The following ZNF33B variants were observed in gnomAD, a reference collection of about 807,000 sequenced individuals.
ZNF33B encodes the protein zinc finger protein 33B.
A neutral mutation model predicts 45.8 loss-of-function variants in ZNF33B; 29 were observed. That is an observed-to-expected ratio of 0.63 (90% CI 0.47 to 0.86). ZNF33B has a LOEUF of 0.86. ZNF33B is among the 40% of genes least tolerant of loss of function. ZNF33B has a pLI of 0.00. For synonymous variants in ZNF33B, 305 were observed against 307.8 expected, an observed-to-expected ratio of 0.99 and a Z score of 0.10; for missense variants, 831 against 909.9, an observed-to-expected ratio of 0.91 and a Z score of 1.12.
intron 1 of ZNF33B, among the ~76,000 whole-genome samples, chr10:42,583,710 C>T (rs1300522025): frequency 6.6e-6 from 1 of 152,108 alleles, no homozygotes; most frequent in African/African-American, 2.4e-5. Flanking sequence ...CATCCATTCA[C>T]GGGCCAGTGC....
rs976351882 is a variant in ZNF33B, at chr10:42,577,114, C to T, written c.74-2436G>A. Reference sequence around the variant, plus strand: ...TGCCATTGCACTCCAGTCTGGGTGACGGAGCAAGACTCCATCTCAAAAAAA... The same window carrying T: ...TGCCATTGCACTCCAGTCTGGGTGATGGAGCAAGACTCCATCTCAAAAAAA... On this transcript the variant is annotated intron_variant, in intron 1 of 1. Coordinates refer to the ZNF33B transcript ENST00000462075. Among the ~76,000 whole-genome samples the T allele has an allele frequency of 8.1e-5, 9 of 110,496 alleles. No homozygotes were observed. In the East Asian group the frequency reaches 9.3e-4, roughly 11 times the overall value. 72.5% of individuals were successfully genotyped at this position (110,496 alleles called of 152,430 possible).
intron 4 of ZNF33B, among the ~76,000 whole-genome samples, chr10:42,625,959 G>A (rs138049454): frequency 3.5e-4 from 54 of 152,280 alleles, no homozygotes; most frequent in African/African-American, 1.2e-3. Context: ...TCCTTGCCTT[G>A]TTCCCAGTTT....
At chr10:42,583,488 GTTCT>G (rs778020212) in intron 1 of ZNF33B, 2 of 247,552 alleles carry the variant, frequency 8.1e-6, no homozygotes, top group Non-Finnish European at 1.6e-5. Flanking sequence ...GAAGTTGAGA[GTTCT>G]TTGTTATGAG....
intron 2 of ZNF33B, among the ~76,000 whole-genome samples, chr10:42,633,490 G>C (rs1023786186): frequency 7.2e-5 from 11 of 152,154 alleles, no homozygotes; most frequent in African/African-American, 2.7e-4. Flanking sequence ...GATGCAAATA[G>C]GGCATGAATA....
At chr10:42,595,275 C>A (rs1465916376) in intron 4 of ZNF33B, among the ~76,000 whole-genome samples, 1 of 152,092 alleles carries the variant, frequency 6.6e-6, no homozygotes, top group Non-Finnish European at 1.5e-5. Flanking sequence ...GAAAGTTTTA[C>A]TATGAGTGAG....
intron 4 of ZNF33B, among the ~76,000 whole-genome samples, chr10:42,603,943 C>G (rs1466716083): frequency 6.6e-6 from 1 of 152,132 alleles, no homozygotes; most frequent in Non-Finnish European, 1.5e-5. Flanking sequence ...AAATAAGAAA[C>G]AACAACAAGC....
At chr10:42,578,079 TGAG>T (rs1416464963) in intron 1 of ZNF33B, among the ~76,000 whole-genome samples, 1 of 91,904 alleles carries the variant, frequency 1.1e-5, no homozygotes, top group Non-Finnish European at 3.5e-5. Flanking sequence ...GCTGGGGAAA[TGAG>T]GAAACAGACA....
At chr10:42,631,795 C>T in intron 4 of ZNF33B, 134 bp downstream of exon 4, 1 of 732,648 alleles carries the variant, frequency 1.4e-6, no homozygotes, top group Non-Finnish European at 2.4e-6. Flanking sequence ...AATCAGTATT[C>T]TCCATCACTT....
At chr10:42,576,859 G>A (rs780175049) in intron 1 of ZNF33B, among the ~76,000 whole-genome samples, 1 of 152,054 alleles carries the variant, frequency 6.6e-6, no homozygotes, top group African/African-American at 2.4e-5. Flanking sequence ...AGGGCCGGGC[G>A]CCGTGGCTCA....
At chr10:42,605,656 T>G (rs111657375) in intron 4 of ZNF33B, among the ~76,000 whole-genome samples, 2,119 of 152,260 alleles carry the variant, frequency 0.014, 51 homozygotes, top group African/African-American at 0.048. Context: ...CCACAATTAT[T>G]GTGGGTAAAG....
chr10:42,618,848 A>G (rs1158973829), intron 4 of ZNF33B, among the ~76,000 whole-genome samples: 1 of 152,030 alleles, frequency 6.6e-6, no homozygotes, highest in Non-Finnish European at 1.5e-5. Flanking sequence ...CCGTTTCCCA[A>G]GGTTTTGTTC....
downstream of ZNF33B, among the ~76,000 whole-genome samples, chr10:42,588,609 C>CT (rs1423987634): frequency 5.3e-5 from 8 of 152,198 alleles, no homozygotes; most frequent in Non-Finnish European, 1.0e-4. Context: ...CACACCAACT[C>CT]TCAGAAAGGT....
At chr10:42,580,992 T>C (rs1836814099) in intron 1 of ZNF33B, among the ~76,000 whole-genome samples, 1 of 152,144 alleles carries the variant, frequency 6.6e-6, no homozygotes, top group South Asian at 2.1e-4. Context: ...AGGAGAAGTG[T>C]ATCCAGACTG....
chr10:42,616,515 C>G (rs1006763950), intron 4 of ZNF33B, among the ~76,000 whole-genome samples: 1 of 152,090 alleles, frequency 6.6e-6, no homozygotes, highest in African/African-American at 2.4e-5. Flanking sequence ...ATCGTCTGCA[C>G]ACAAAATGAA....
chr10:42,630,407 C>T (rs1838998884), intron 4 of ZNF33B, among the ~76,000 whole-genome samples: 1 of 151,976 alleles, frequency 6.6e-6, no homozygotes. Flanking sequence ...CTTTAGTTTT[C>T]AAAAATTTAA....
At chr10:42,582,675 A>G (rs1376112551) in intron 1 of ZNF33B, 1 of 158,388 alleles carries the variant, frequency 6.3e-6, no homozygotes, top group Non-Finnish European at 1.4e-5. Flanking sequence ...AGATACTTAA[A>G]ATTATGTAGA....
rs1237582560 is a variant in ZNF33B, at chr10:42,594,174, C to G, written c.776G>C (p.Ser259Thr). The G allele has an allele frequency of 6.2e-7, 1 of 1,613,800 alleles. No individual in the cohort carries two copies. Among genetic ancestry groups the G allele is most frequent in the Non-Finnish European group, 8.5e-7 (1 of 1,179,934 alleles). Residue 259 changes from serine (S) to threonine (T), a missense_variant, in exon 5 of 5, where the codon AGT becomes ACT. Ser to Thr is a moderately conservative substitution (Grantham distance 58). Transcript: ENST00000359467. ...TATCTGATGGAACAAGAGGGATGAA[C>G]TATCACAGAAAGTTCTCCCAAATTC... ...YNEFGRTFCD[S>T]SSLLFHQIPP...
intron 4 of ZNF33B, among the ~76,000 whole-genome samples, chr10:42,603,366 A>C (rs568253799): frequency 6.6e-6 from 1 of 152,290 alleles, no homozygotes; most frequent in South Asian, 2.1e-4. Context: ...TTCAATGATA[A>C]CCAATTAAGA....
rs897263841 is a variant in ZNF33B, at chr10:42,590,884, G to C, written c.*1729C>G. On this transcript the variant is annotated 3_prime_UTR_variant, in exon 5 of 5. Coordinates refer to ENST00000359467, the MANE Select transcript of ZNF33B (RefSeq NM_006955.3). ...TCAAAGAACAGTTTTGGGTTTTATT[G>C]ATTTTCTCTTTTCAATTTCACTGAT... is the stretch of plus-strand genomic sequence containing the variant. 7 of 152,334 alleles carry C rather than the reference G, an allele frequency of 4.6e-5. No individual in the cohort carries two copies. The highest frequency in any genetic ancestry group is 1.7e-4 in the African/African-American group (7 of 41,380). The allele number at this position is 152,334 out of a possible 1,614,324, so 9.4% of individuals were successfully genotyped here. A position where few individuals can be genotyped will look rare whatever the true frequency, so the allele number is the denominator to read the frequency against.
Sources: allele counts gnomAD v4.1 joint callset (sites outside exome capture counted in the v4.1 genomes callset), GRCh38; gene constraint gnomAD v4.1.1; transcripts MANE v1.5; gene names NCBI Gene and HGNC (gene_info 2026-07-23, HGNC 2026-07-21).